Variants in SPTA1 observed in about 807,000 individuals in gnomAD.
SPTA1 encodes spectrin alpha chain, erythrocytic 1.
SPTA1 carries 177 observed loss-of-function variants against 324.7 expected under a neutral mutation model. The ratio of observed to expected loss-of-function variants is 0.55; its 90% CI spans 0.48 to 0.62. SPTA1 has a LOEUF of 0.62. SPTA1 is among the 20% of genes least tolerant of loss of function. SPTA1 has a pLI of 0.00. For synonymous variants in SPTA1, 1,195 were observed against 1,041.3 expected, an observed-to-expected ratio of 1.15 and a Z score of -2.84; for missense variants, 3,162 against 2,883.6, an observed-to-expected ratio of 1.10 and a Z score of -2.21.
intron 8 of SPTA1, 60 bp downstream of exon 8, chr1:158,676,081 C>G: frequency 1.2e-6 from 2 of 1,606,708 alleles, no homozygotes; most frequent in Non-Finnish European, 1.7e-6. Flanking sequence ...TTTCTTCTCT[C>G]GCTATTATAT....
chr1:158,654,616 T>G lies in SPTA1; in HGVS notation c.3031A>C (p.Asn1011His). The change falls in exon 21 of 52, where the codon AAT becomes CAT. Residue 1011 changes from asparagine (N) to histidine (H), a missense_variant. By Grantham distance (68) the Asn-to-His change is moderately conservative (BLOSUM62 1). Transcript: ENST00000643759. The part of the protein sequence containing the change: ...GDVLTLLSSI[N>H]KDWWKVEAAD... ...AGATTAGAAGGAAAAGTCACCTTAT[T>G]GATGGAACTGAGCAGCGTTAAGACA... The G allele has an allele frequency of 6.2e-7, 1 of 1,613,950 alleles. No individual in the cohort carries two copies. Among genetic ancestry groups the G allele is most frequent in the Non-Finnish European group, 8.5e-7 (1 of 1,179,970 alleles).
intron 47 of SPTA1, 41 bp from the exon 48 acceptor site, chr1:158,615,444 G>A: frequency 6.2e-7 from 1 of 1,603,344 alleles, no homozygotes. Flanking sequence ...AGTTGCCCAG[G>A]TTACCAGCTC....
At position 158,639,641 on chromosome 1, in the gene SPTA1, A is replaced by C. The variant is rs1201715875; in HGVS notation, c.4921T>G (p.Ser1641Ala). 10 of 1,613,920 alleles carry C rather than the reference A, an allele frequency of 6.2e-6. No individual in the cohort carries two copies. The highest frequency in any genetic ancestry group is 8.5e-6 in the Non-Finnish European group (10 of 1,179,894). The change falls in exon 35 of 52, where the codon TCA becomes GCA. Residue 1641 changes from serine to alanine, a missense_variant. Ser to Ala is a moderately conservative substitution (Grantham distance 99). Transcript: ENST00000643759. ...TGCTTCTTGAGTAGGTTTCCTGCTG[A>C]AGCCAAGTCCCTGGCCTGATCTTTC... is the stretch of plus-strand genomic sequence containing the variant. ...AMKDQARDLASAGNLLKKHQL... is the reference protein window; with the variant it reads ...AMKDQARDLAAAGNLLKKHQL...
At chr1:158,667,219 A>G (rs1231049074) in intron 15 of SPTA1, among the ~76,000 whole-genome samples, 2 of 152,216 alleles carry the variant, frequency 1.3e-5, no homozygotes, top group African/African-American at 4.8e-5. Flanking sequence ...TTATGTTTAT[A>G]GATGATGTTT....
chr1:158,685,118 G>C lies in SPTA1; in HGVS notation c.254C>G (p.Thr85Ser), dbSNP rs1290835563. 1 of 1,613,636 alleles carries C rather than the reference G, an allele frequency of 6.2e-7. No individual in the cohort carries two copies. Among genetic ancestry groups the C allele is most frequent in the Non-Finnish European group, 8.5e-7 (1 of 1,179,732 alleles). The change falls in exon 2 of 52, where the codon ACT becomes AGT. Residue 85 changes from threonine (T) to serine (S), a missense_variant. By Grantham distance (58) the Thr-to-Ser change is moderately conservative (BLOSUM62 1). Transcript: ENST00000643759. ...AGAGAACTGAGTGACCTGTATATTA[G>C]TTGGGTCTTCATAGCTCTTATCGGT... ...ILTDKSYEDP[T>S]NIQGKYQKHQ...
At chr1:158,641,431 A>G (rs1651561087) in intron 33 of SPTA1, among the ~76,000 whole-genome samples, 1 of 152,246 alleles carries the variant, frequency 6.6e-6, no homozygotes, top group Admixed American at 6.5e-5. Flanking sequence ...GCTAATATCC[A>G]GAATCTACAA....
At chr1:158,684,841 C>T (rs917783903) in intron 2 of SPTA1, among the ~76,000 whole-genome samples, 1 of 152,072 alleles carries the variant, frequency 6.6e-6, no homozygotes, top group African/African-American at 2.4e-5. Context: ...AAAAACAGTT[C>T]TGTGCTTTCA....
At chr1:158,638,545 C>A (rs142219953) in intron 35 of SPTA1, among the ~76,000 whole-genome samples, 1 of 151,922 alleles carries the variant, frequency 6.6e-6, no homozygotes, top group Non-Finnish European at 1.5e-5. Context: ...CAGCAAGGTG[C>A]GGTGGCTCAT....
intron 18 of SPTA1, among the ~76,000 whole-genome samples, chr1:158,659,265 G>A (rs1313375932): frequency 6.6e-6 from 1 of 151,832 alleles, no homozygotes; most frequent in South Asian, 2.1e-4. Context: ...AACATGAAAT[G>A]CATAATATTA....
At chr1:158,657,795 T>A in intron 18 of SPTA1, 101 bp from the exon 19 acceptor site, 1 of 1,232,004 alleles carries the variant, frequency 8.1e-7, no homozygotes, top group South Asian at 1.3e-5. Flanking sequence ...GTGATAAAAA[T>A]GGTATGTTAT....
chr1:158,612,423 T>C (rs1030604421), intron 51 of SPTA1: 1 of 276,512 alleles, frequency 3.6e-6, no homozygotes, highest in South Asian at 3.8e-5. Flanking sequence ...TTTGCTTCTG[T>C]TACAGTGTTT....
At position 158,680,593 on chromosome 1, in the gene SPTA1, T is replaced by G; in HGVS notation, c.668A>C (p.Glu223Ala). 1.9e-6 allele frequency: 3 copies of G among 1,613,862 alleles called. No individual in the cohort carries two copies. Among genetic ancestry groups the G allele is most frequent in the Non-Finnish European group, 2.5e-6 (3 of 1,179,822 alleles). ...TTGCTCCCACCTCACCTCGGCACAC[T>G]CATTGGCATATTGGTTCACTTCAAC... ...RVVEVNQYAN[E>A]CAEENHPDLP... The change falls in exon 5 of 52, where the codon GAG becomes GCG. Residue 223 changes from glutamate to alanine, a missense_variant. Physicochemically the swap from Glu to Ala is moderately radical, Grantham distance 107. Coordinates refer to ENST00000643759, the MANE Select transcript of SPTA1 (RefSeq NM_003126.4).
chr1:158,670,080 C>T (rs1264864426), intron 12 of SPTA1, among the ~76,000 whole-genome samples: 1 of 152,300 alleles, frequency 6.6e-6, no homozygotes, highest in East Asian at 1.9e-4. Flanking sequence ...CAAGGGGAAG[C>T]ACTACCAATG....
chr1:158,623,062 A>C lies in SPTA1; in HGVS notation c.6041T>G (p.Leu2014Arg), dbSNP rs766001768. 3 of 1,614,146 alleles carry C rather than the reference A, an allele frequency of 1.9e-6. No individual in the cohort carries two copies. The Admixed American group carries it at 5.0e-5, about 27-fold the overall frequency. Reference protein sequence around the residue: ...KAIEERYAALLKRWEQLLEAS... With the variant: ...KAIEERYAALRKRWEQLLEAS... ...TTCCAGCAACTGTTCCCAGCGCTTC[A>C]GCAGAGCGGCATAACGCTCTTCAAT... Residue 2014 changes from leucine to arginine, a missense_variant, in exon 43 of 52, where the codon CTG becomes CGG. Physicochemically the swap from Leu to Arg is moderately radical, Grantham distance 102. Transcript: ENST00000643759.
intron 37 of SPTA1, 91 bp downstream of exon 37, chr1:158,636,550 C>T: frequency 6.8e-7 from 1 of 1,463,392 alleles, no homozygotes; most frequent in South Asian, 1.1e-5. Context: ...ATCCTATTTT[C>T]ACGTTTTGTA....
At position 158,638,142 on chromosome 1, in the gene SPTA1, G is replaced by A. The variant is rs1490249015; in HGVS notation, c.5080C>T (p.Arg1694Cys). 1.3e-5 allele frequency: 21 copies of A among 1,613,878 alleles called. 1 individual carries two copies. The highest frequency in any genetic ancestry group is 4.5e-5 in the East Asian group (2 of 44,890). The change falls in exon 36 of 52, where the codon CGT becomes TGT. Residue 1694 changes from arginine (R) to cysteine (C), a missense_variant. Physicochemically the swap from Arg to Cys is radical, Grantham distance 180. Transcript: ENST00000643759. ...IVKKKDNVNK[R>C]FLNVQELAAA... ...GCCAATTCTTGGACATTCAGGAAAC[G>A]CTTGTTGACATTATCTTTTTTCTTC...
At chr1:158,625,647 G>C (rs1371072183) in intron 42 of SPTA1, among the ~76,000 whole-genome samples, 1 of 151,286 alleles carries the variant, frequency 6.6e-6, no homozygotes, top group Non-Finnish European at 1.5e-5. Flanking sequence ...AAAGATAATA[G>C]AATAAACCAA....
chr1:158,678,464 C>T lies in SPTA1; in HGVS notation c.749G>A (p.Arg250His), dbSNP rs759192785. 4.7e-5 allele frequency: 76 copies of T among 1,613,614 alleles called. No individual in the cohort carries two copies. Among genetic ancestry groups the T allele is most frequent in the African/African-American group, 4.7e-4 (35 of 74,856 alleles). The change falls in exon 6 of 52, where the codon CGT becomes CAT. Residue 250 changes from arginine (R) to histidine (H), a missense_variant. Coordinates refer to ENST00000643759, the MANE Select transcript of SPTA1 (RefSeq NM_003126.4). ...NEVNAAWERL[R>H]GLALQRQKAL... ...TTTCTGTCTCTGGAGAGCCAAACCA[C>T]GAAGGCGCTCCCAGGCAGCATTCAC... is the stretch of plus-strand genomic sequence containing the variant.
rs773758018 is a variant in SPTA1, at chr1:158,644,367, C to G, written c.4224G>C (p.Glu1408Asp). ...AATTCTCACGTGCCACCATCCAGCT[C>G]TCAACTTGATCACAGTTCCCCTGGA... ...QMFQGNCDQV[E>D]SWMVARENSL... The change falls in exon 30 of 52, where the codon GAG becomes GAC. Residue 1408 changes from glutamate (E) to aspartate (D), a missense_variant. Physicochemically the swap from Glu to Asp is conservative, Grantham distance 45. Coordinates refer to ENST00000643759, the MANE Select transcript of SPTA1 (RefSeq NM_003126.4). 1.9e-6 allele frequency: 3 copies of G among 1,613,850 alleles called. No homozygotes were observed. The highest frequency in any genetic ancestry group is 4.5e-5 in the East Asian group (2 of 44,860).
Sources: allele counts gnomAD v4.1 joint callset (sites outside exome capture counted in the v4.1 genomes callset), GRCh38; gene constraint gnomAD v4.1.1; transcripts MANE v1.5; gene names NCBI Gene and HGNC (gene_info 2026-07-23, HGNC 2026-07-21).